The following SPAG16 variants were observed in gnomAD, a reference collection of about 807,000 sequenced individuals.
SPAG16 encodes the protein sperm-associated antigen 16 protein.
Under a neutral mutation model 80.4 loss-of-function variants are expected in SPAG16, and 86 were observed. That is an observed-to-expected ratio of 1.07 (90% CI 0.90 to 1.28). The LOEUF is 1.28. Ranked by LOEUF, SPAG16 falls within the 50% of genes most tolerant of loss-of-function variation. The pLI is 0.00. For missense variants in SPAG16, 870 were observed against 765.3 expected (o/e 1.14, Z -1.61); for synonymous variants, 294 against 265.9 (o/e 1.11, Z -1.03).
At chr2:213,451,575 A>G (rs2071691931) in intron 9 of SPAG16, among the ~76,000 whole-genome samples, 1 of 152,214 alleles carries the variant, frequency 6.6e-6, no homozygotes, top group Non-Finnish European at 1.5e-5. Flanking sequence ...TCAGACGCAC[A>G]CACGCATAGT....
At chr2:213,814,660 C>T (rs899475722) in intron 10 of SPAG16, among the ~76,000 whole-genome samples, 4 of 152,064 alleles carry the variant, frequency 2.6e-5, no homozygotes, top group African/African-American at 4.8e-5. Context: ...CATAGTGGCA[C>T]ACGCCTGTAA....
intron 10 of SPAG16, among the ~76,000 whole-genome samples, chr2:213,757,895 A>G (rs1251333954): frequency 6.6e-6 from 1 of 152,034 alleles, no homozygotes; most frequent in Non-Finnish European, 1.5e-5. Flanking sequence ...ACCTCTATCC[A>G]TTATTGCAAG....
intron 1 of SPAG16, among the ~76,000 whole-genome samples, chr2:213,291,331 G>T (rs150827121): frequency 1.1e-4 from 16 of 152,314 alleles, no homozygotes; most frequent in African/African-American, 2.4e-4. Flanking sequence ...GTAAACAGAT[G>T]CGTACAAACA....
intron 10 of SPAG16, among the ~76,000 whole-genome samples, chr2:213,667,699 A>G (rs2063659326): frequency 6.6e-6 from 1 of 152,124 alleles, no homozygotes; most frequent in South Asian, 2.1e-4. Flanking sequence ...AGTGGGGAAG[A>G]TAAAGAGAGA....
rs865873956 is a variant in SPAG16, at chr2:213,305,537, T to G, written c.280-4522T>G. Among the ~76,000 whole-genome samples, 16 of 152,242 alleles carry G rather than the reference T, an allele frequency of 1.1e-4. No homozygotes were observed. In the South Asian group the frequency reaches 1.7e-3, roughly 16 times the overall value. On this transcript the variant is annotated intron_variant, in intron 3 of 15. Transcript: ENST00000331683. The stretch of plus-strand genomic sequence containing the variant: ...TGTGTTGAGGTATGTTTCTTCTATC[T>G]CCATGTTTTTTGAGGGTTTCTATCA...
At chr2:213,496,269 TG>T (rs143974072) in intron 10 of SPAG16, among the ~76,000 whole-genome samples, 13,050 of 152,116 alleles carry the variant, frequency 0.086, 1,403 homozygotes, top group African/African-American at 0.25. Context: ...TCTGTTGGGC[TG>T]GTTGTGGAGT....
chr2:213,594,885 G>T lies in SPAG16; in HGVS notation c.1070+104795G>T, dbSNP rs2060834950. ...GTACATTTTTTTGTGTGTCTGAATA[G>T]AATTAGGATTATAATGATTTTGGAA... On this transcript the variant is annotated intron_variant, in intron 10 of 15. Coordinates refer to ENST00000331683, the MANE Select transcript of SPAG16 (RefSeq NM_024532.5). Among the ~76,000 whole-genome samples, 3 of 151,952 alleles carry T rather than the reference G, an allele frequency of 2.0e-5. No individual in the cohort carries two copies. In the South Asian group the frequency reaches 6.2e-4, roughly 31 times the overall value.
intron 9 of SPAG16, among the ~76,000 whole-genome samples, chr2:213,396,223 A>T (rs1272228354): frequency 1.3e-5 from 2 of 152,144 alleles, no homozygotes; most frequent in African/African-American, 2.4e-5. Context: ...CTAAATTCCT[A>T]AAAAAATTCT....
At chr2:214,193,633 G>T (rs140010909) in intron 15 of SPAG16, among the ~76,000 whole-genome samples, 14 of 152,020 alleles carry the variant, frequency 9.2e-5, no homozygotes, top group African/African-American at 3.4e-4. Flanking sequence ...GTCATGGGTA[G>T]CTACCTGAGG....
intron 14 of SPAG16, among the ~76,000 whole-genome samples, chr2:214,148,699 G>T (rs1444526166): frequency 6.6e-6 from 1 of 151,824 alleles, no homozygotes; most frequent in Non-Finnish European, 1.5e-5. Flanking sequence ...TAAAAGCTGA[G>T]ATATGCATGT....
chr2:213,293,684 C>T (rs1417975393), intron 1 of SPAG16, among the ~76,000 whole-genome samples: 1 of 152,204 alleles, frequency 6.6e-6, no homozygotes, highest in Non-Finnish European at 1.5e-5. Flanking sequence ...TTGACTATGA[C>T]ATGAGAGACC....
chr2:213,379,180 G>A (rs150664443), intron 9 of SPAG16, among the ~76,000 whole-genome samples: 1 of 152,274 alleles, frequency 6.6e-6, no homozygotes, highest in Admixed American at 6.5e-5. Flanking sequence ...GAATTTTGCT[G>A]GTGGATCACT....
intron 10 of SPAG16, among the ~76,000 whole-genome samples, chr2:213,849,290 C>T (rs963955244): frequency 5.3e-5 from 8 of 152,098 alleles, no homozygotes; most frequent in African/African-American, 1.9e-4. Flanking sequence ...GTGAGAATGG[C>T]ACCACGACAT....
At chr2:214,147,949 G>C (rs2055744402) in intron 14 of SPAG16, among the ~76,000 whole-genome samples, 1 of 152,116 alleles carries the variant, frequency 6.6e-6, no homozygotes, top group Non-Finnish European at 1.5e-5. Flanking sequence ...AGTTCAAAAT[G>C]ATAAGGAAAA....
At chr2:214,244,482 T>C (rs1689704242) in intron 15 of SPAG16, among the ~76,000 whole-genome samples, 1 of 151,180 alleles carries the variant, frequency 6.6e-6, no homozygotes, top group South Asian at 2.1e-4. Context: ...ACAAACTAAG[T>C]TTCATAGTTT....
intron 10 of SPAG16, among the ~76,000 whole-genome samples, chr2:213,778,432 A>G (rs542914616): frequency 2.0e-5 from 3 of 152,272 alleles, no homozygotes; most frequent in Admixed American, 6.5e-5. Flanking sequence ...AATAGGGGCA[A>G]AAATTTTTAT....
At chr2:213,748,941 G>A (rs1015721962) in intron 10 of SPAG16, among the ~76,000 whole-genome samples, 2 of 152,172 alleles carry the variant, frequency 1.3e-5, no homozygotes, top group African/African-American at 4.8e-5. Flanking sequence ...GAGGTCAGGA[G>A]ATCGAGACCA....
chr2:213,976,762 A>C (rs2045431066), intron 12 of SPAG16, among the ~76,000 whole-genome samples: 1 of 152,098 alleles, frequency 6.6e-6, no homozygotes, highest in Non-Finnish European at 1.5e-5. Flanking sequence ...GAGAACCTTC[A>C]TTCTTCAGCC....
intron 10 of SPAG16, among the ~76,000 whole-genome samples, chr2:213,776,473 T>C (rs552025716): frequency 6.6e-6 from 1 of 152,328 alleles, no homozygotes; most frequent in East Asian, 1.9e-4. Context: ...CATGTCTGAC[T>C]GCTAATCTAT....
Sources: gnomAD v4.1 joint callset for allele counts (sites outside exome capture counted in the v4.1 genomes callset) on GRCh38, gnomAD v4.1.1 for gene constraint, MANE v1.5 for transcripts, NCBI Gene and HGNC (gene_info 2026-07-23, HGNC 2026-07-21) for gene names.